The following ADGRV1 variants were observed in gnomAD, a reference collection of about 807,000 sequenced individuals.
ADGRV1 encodes the protein G-protein coupled receptor 98.
ADGRV1 carries 359 observed loss-of-function variants against 596.2 expected under a neutral mutation model. The ratio of observed to expected loss-of-function variants is 0.60; its 90% confidence interval spans 0.55 to 0.66. ADGRV1 has a LOEUF of 0.66. Ranked by LOEUF, ADGRV1 falls within the 30% of genes least tolerant of loss-of-function variation. ADGRV1 has a pLI of 0.00. For synonymous variants in ADGRV1, 2,681 were observed against 2,679.2 expected (o/e 1.00, Z -0.02); for missense variants, 7,274 against 7,575.6 (o/e 0.96, Z 1.48).
At chr5:90,928,068 T>G (rs1366330631) in intron 83 of ADGRV1, among the ~76,000 whole-genome samples, 5 of 152,192 alleles carry the variant, frequency 3.3e-5, no homozygotes, top group African/African-American at 1.2e-4. Context: ...CTTAACATTT[T>G]TTCCTTCATT....
At chr5:90,885,993 G>A (rs144810342) in intron 83 of ADGRV1, among the ~76,000 whole-genome samples, 1 of 151,936 alleles carries the variant, frequency 6.6e-6, no homozygotes, top group Non-Finnish European at 1.5e-5. Context: ...TTAAAATATC[G>A]AATACTAATC....
At chr5:91,161,281 A>G (rs1195725553) in intron 89 of ADGRV1, among the ~76,000 whole-genome samples, 1 of 152,216 alleles carries the variant, frequency 6.6e-6, no homozygotes, top group Non-Finnish European at 1.5e-5. Context: ...GCAGAGAAGC[A>G]TGGGCCATTT....
In ADGRV1 at chr5:90,670,707, G is replaced by A. The variant is rs1007582061; in HGVS notation, c.4753-1839G>A. Among the ~76,000 whole-genome samples, 13 of 152,054 alleles carry A rather than the reference G, an allele frequency of 8.5e-5. No individual in the cohort carries two copies. The East Asian group carries it at 1.7e-3, about 20-fold the overall frequency. Reference sequence around the variant, plus strand: ...TACCAAGACTGATGTAGCAACTGGTGGTTGCTGAATGTCCAAACAGCAAGC... The same window carrying A: ...TACCAAGACTGATGTAGCAACTGGTAGTTGCTGAATGTCCAAACAGCAAGC... On this transcript the variant is annotated intron_variant, in intron 21 of 89. Coordinates refer to ENST00000405460, the MANE Select transcript of ADGRV1 (RefSeq NM_032119.4).
chr5:91,113,037 T>C (rs1025059076), intron 87 of ADGRV1, among the ~76,000 whole-genome samples: 1 of 152,190 alleles, frequency 6.6e-6, no homozygotes, highest in Admixed American at 6.5e-5. Flanking sequence ...TCTTCTCCTA[T>C]GGCATAGGCT....
chr5:91,024,146 C>T (rs1783848080), intron 85 of ADGRV1, among the ~76,000 whole-genome samples: 1 of 152,116 alleles, frequency 6.6e-6, no homozygotes, highest in South Asian at 2.1e-4. Flanking sequence ...ACACTCACAC[C>T]TGTAACATCT....
chr5:90,892,771 A>C (rs1770943706), intron 83 of ADGRV1, among the ~76,000 whole-genome samples: 1 of 152,172 alleles, frequency 6.6e-6, no homozygotes, highest in South Asian at 2.1e-4. Flanking sequence ...ATTATACCGC[A>C]AAAGAGAATT....
chr5:90,791,786 CTT>C (rs1561742073), intron 70 of ADGRV1: 1 of 155,548 alleles, frequency 6.4e-6, no homozygotes, highest in Admixed American at 6.3e-5. Flanking sequence ...AACTGCTTCT[CTT>C]TTTGAAAAGT....
At chr5:91,082,496 T>C (rs1380503410) in intron 86 of ADGRV1, among the ~76,000 whole-genome samples, 1 of 152,138 alleles carries the variant, frequency 6.6e-6, no homozygotes, top group African/African-American at 2.4e-5. Context: ...CCAGCTAATT[T>C]TTAAAATTTT....
chr5:90,577,040 G>A (rs1400456189), intron 1 of ADGRV1, among the ~76,000 whole-genome samples: 1 of 151,996 alleles, frequency 6.6e-6, no homozygotes, highest in Non-Finnish European at 1.5e-5. Flanking sequence ...TGGGTAGATT[G>A]CAAAAATTTT....
At chr5:90,668,381 C>G (rs927909077) in intron 21 of ADGRV1, among the ~76,000 whole-genome samples, 1 of 130,278 alleles carries the variant, frequency 7.7e-6, no homozygotes. Context: ...TTCCAGGTGC[C>G]GTCCGTCACC....
intron 89 of ADGRV1, among the ~76,000 whole-genome samples, chr5:91,157,791 A>G (rs184699893): frequency 2.0e-5 from 3 of 152,364 alleles, no homozygotes; most frequent in Non-Finnish European, 1.5e-5. Context: ...AGATATGGAA[A>G]TTCAAGATCT....
At chr5:91,042,973 G>T (rs148374829) in intron 85 of ADGRV1, among the ~76,000 whole-genome samples, 1 of 151,930 alleles carries the variant, frequency 6.6e-6, no homozygotes, top group East Asian at 1.9e-4. Context: ...GCTATATTTC[G>T]AGCCAGTAGT....
At chr5:91,017,348 C>CAA (rs373459047) in intron 85 of ADGRV1, among the ~76,000 whole-genome samples, 2,192 of 147,368 alleles carry the variant, frequency 0.015, 48 homozygotes, top group African/African-American at 0.051. Flanking sequence ...AAATAAGCAC[C>CAA]AAAAAAAAAA....
intron 11 of ADGRV1, among the ~76,000 whole-genome samples, chr5:90,638,185 A>T (rs1312989091): frequency 6.6e-6 from 1 of 152,052 alleles, no homozygotes; most frequent in African/African-American, 2.4e-5. Flanking sequence ...GAAGCACTAC[A>T]GAGAGAATTT....
At chr5:90,824,823 G>T (rs189368138) in intron 76 of ADGRV1, among the ~76,000 whole-genome samples, 4 of 152,168 alleles carry the variant, frequency 2.6e-5, no homozygotes, top group African/African-American at 9.7e-5. Context: ...CTGTTTCCAA[G>T]AACCTGTCAT....
At chr5:91,112,894 G>C (rs1792500968) in intron 87 of ADGRV1, among the ~76,000 whole-genome samples, 1 of 152,128 alleles carries the variant, frequency 6.6e-6, no homozygotes, top group African/African-American at 2.4e-5. Context: ...AATAAAATCT[G>C]TAAACTATGC....
intron 79 of ADGRV1, among the ~76,000 whole-genome samples, chr5:90,850,263 C>T (rs1027619077): frequency 2.6e-5 from 4 of 152,120 alleles, no homozygotes; most frequent in African/African-American, 9.7e-5. Flanking sequence ...TCAACATATC[C>T]CTATACTCTA....
At chr5:90,678,265 G>A (rs10514331) in intron 25 of ADGRV1, among the ~76,000 whole-genome samples, 30,501 of 151,828 alleles carry the variant, frequency 0.2, 3,735 homozygotes, top group East Asian at 0.4. Context: ...AAGCGTATAC[G>A]TATGGATGTG....
At chr5:90,881,749 A>G (rs1769798867) in intron 83 of ADGRV1, among the ~76,000 whole-genome samples, 1 of 152,166 alleles carries the variant, frequency 6.6e-6, no homozygotes, top group African/African-American at 2.4e-5. Context: ...AAAAAATACA[A>G]GATCTTGCTC....
Sources: allele counts gnomAD v4.1 joint callset (sites outside exome capture counted in the v4.1 genomes callset), GRCh38; gene constraint gnomAD v4.1.1; transcripts MANE v1.5; gene names NCBI Gene and HGNC (gene_info 2026-07-23, HGNC 2026-07-21).